Variants in RAD54L observed in about 807,000 individuals in gnomAD.
RAD54L encodes the protein DNA repair and recombination protein RAD54-like.
In RAD54L, 74 loss-of-function variants were observed where a neutral mutation model predicts 91.6. The ratio of observed to expected loss-of-function variants is 0.81; its 90% CI spans 0.67 to 0.98. RAD54L has a LOEUF of 0.98. RAD54L is among the 50% of genes least tolerant of loss of function. The pLI, the probability that RAD54L is intolerant of heterozygous loss-of-function variation, is 0.00. For missense variants in RAD54L, 887 were observed against 945.7 expected (o/e 0.94, Z 0.81); for synonymous variants, 304 against 349.7 (o/e 0.87, Z 1.46).
At position 46,265,673 on chromosome 1, in the gene RAD54L, G is replaced by A. The variant is rs191644692; in HGVS notation, c.892-1786G>A. ...TCCTATACACTGAAATTATACAGGCGAATCTGACATAGTCTCTGCCTTAAG... is the reference window on the plus strand; with the variant it reads ...TCCTATACACTGAAATTATACAGGCAAATCTGACATAGTCTCTGCCTTAAG... On this transcript the variant is annotated intron_variant, in intron 8 of 17. Coordinates refer to ENST00000371975, the MANE Select transcript of RAD54L (RefSeq NM_003579.4). The surrounding 1 kb of genome is among the most constrained non-coding windows in gnomAD (Gnocchi z 4.8). 2.5e-4 allele frequency among the ~76,000 whole-genome samples: 38 copies of A among 152,260 alleles called. No individual in the cohort carries two copies. Among genetic ancestry groups the A allele is most frequent in the African/African-American group, 8.4e-4 (35 of 41,552 alleles).
chr1:46,259,174 CTCTT>C (rs780677556), intron 4 of RAD54L, among the ~76,000 whole-genome samples: 23 of 151,718 alleles, frequency 1.5e-4, no homozygotes, highest in Middle Eastern at 3.4e-3. Context: ...TTCTCTCTCT[CTCTT>C]TTTTTTTTTT....
intron 4 of RAD54L, 104 bp downstream of exon 4, chr1:46,258,850 G>A (rs765544253): frequency 3.6e-5 from 35 of 971,054 alleles, no homozygotes; most frequent in Non-Finnish European, 5.2e-5. Context: ...GGAATTGAAG[G>A]TGCCAGTCCA....
intron 13 of RAD54L, 71 bp downstream of exon 13, chr1:46,273,536 T>G: frequency 6.2e-7 from 1 of 1,611,462 alleles, no homozygotes; most frequent in South Asian, 1.1e-5. Context: ...GTGCTAGGGC[T>G]GTCCTGTTTC....
Position 46,265,512 on chromosome 1 carries a change from G to A in RAD54L, c.892-1947G>A, listed in dbSNP as rs1261155927. On this transcript the variant is annotated intron_variant, in intron 8 of 17. Transcript: ENST00000371975. This position sits in a 1 kb window ranked among gnomAD's most constrained non-coding sequence, Gnocchi z 4.8. The stretch of plus-strand genomic sequence containing the variant: ...TGGACGCAAACTCCTGACCTCAGGT[G>A]ATCCACTTGCCTTAACCTCCCAAAG... Among the ~76,000 whole-genome samples, 1 of 152,152 alleles carries A rather than the reference G, an allele frequency of 6.6e-6. No homozygotes were observed. Among genetic ancestry groups the A allele is most frequent in the Non-Finnish European group, 1.5e-5 (1 of 68,020 alleles).
At chr1:46,277,596 G>C (rs1223976520) in intron 16 of RAD54L, 2 of 597,628 alleles carry the variant, frequency 3.3e-6, no homozygotes, top group South Asian at 2.0e-5. Flanking sequence ...CATTAGTATA[G>C]AAAGTAGCCT....
chr1:46,272,400 C>T (rs1448685407), intron 10 of RAD54L, 66 bp from the exon 11 acceptor site: 2 of 1,376,030 alleles, frequency 1.5e-6, no homozygotes, highest in Non-Finnish European at 2.1e-6. Context: ...TGGGTGGTAG[C>T]TTTTATTCCA....
chr1:46,262,351 G>A (rs934455169), intron 8 of RAD54L, among the ~76,000 whole-genome samples: 6 of 152,038 alleles, frequency 3.9e-5, no homozygotes, highest in Non-Finnish European at 8.8e-5. Flanking sequence ...AGGTTGCAAT[G>A]AGCCTAGATA....
At chr1:46,250,483 C>T (rs1032171468) in intron 3 of RAD54L, among the ~76,000 whole-genome samples, 2 of 152,162 alleles carry the variant, frequency 1.3e-5, no homozygotes, top group South Asian at 4.1e-4. Flanking sequence ...ATGGCAGGTT[C>T]TGTGCATTGC....
intron 3 of RAD54L, among the ~76,000 whole-genome samples, chr1:46,252,813 G>A (rs1302942641): frequency 1.3e-5 from 2 of 152,194 alleles, no homozygotes; most frequent in African/African-American, 2.4e-5. Context: ...GCTCACACCT[G>A]TAATCCCAGC....
chr1:46,269,169 G>A (rs1044999103), intron 9 of RAD54L, among the ~76,000 whole-genome samples: 2 of 152,056 alleles, frequency 1.3e-5, no homozygotes, highest in African/African-American at 4.8e-5. Flanking sequence ...TAAATCAAAT[G>A]TTCATATATG....
chr1:46,249,864 T>C, intron 2 of RAD54L, 136 bp from the exon 3 acceptor site: 1 of 919,174 alleles, frequency 1.1e-6, no homozygotes, highest in Non-Finnish European at 1.7e-6. Flanking sequence ...AGAGTTGCTA[T>C]GAAGATGATA....
In RAD54L at chr1:46,257,627, C is replaced by A. The variant is rs530507052; in HGVS notation, c.211-1059C>A. On this transcript the variant is annotated intron_variant, in intron 3 of 17. Coordinates refer to ENST00000371975, the MANE Select transcript of RAD54L (RefSeq NM_003579.4). ...AGTCACCAGTGCTACCTCTCTAGGA[C>A]CCACATATGTCTACCTGCTGTCACC... Among the ~76,000 whole-genome samples the A allele has an allele frequency of 4.6e-5, 7 of 152,324 alleles. No individual in the cohort carries two copies. In the South Asian group the frequency reaches 1.4e-3, roughly 32 times the overall value.
At position 46,263,717 on chromosome 1, in the gene RAD54L, C is replaced by A. The variant is rs545138217; in HGVS notation, c.891+2332C>A. Among the ~76,000 whole-genome samples, 1 of 152,210 alleles carries A rather than the reference C, an allele frequency of 6.6e-6. No homozygotes were observed. Among genetic ancestry groups the A allele is most frequent in the African/African-American group, 2.4e-5 (1 of 41,524 alleles). On this transcript the variant is annotated intron_variant, in intron 8 of 17. Transcript: ENST00000371975. The surrounding 1 kb of genome is among the most constrained non-coding windows in gnomAD (Gnocchi z 4.3). ...TGTGGAGGGGGACTATGCCAGGAGC[C>A]AGGTCCAAAGCATTGTGGGAGAGGA...
intron 16 of RAD54L, among the ~76,000 whole-genome samples, chr1:46,275,613 A>G (rs1420580689): frequency 6.6e-6 from 1 of 152,090 alleles, no homozygotes; most frequent in Non-Finnish European, 1.5e-5. Context: ...CCACAAATTC[A>G]TGTTCTCTTT....
At position 46,278,332 on chromosome 1, in the gene RAD54L, G is replaced by A; in HGVS notation, c.*50G>A. Reference sequence around the variant, plus strand: ...CTTAGAGGAAGGAGATAGGGAAAAGGGGCTCCTTGCTCCACAGGGCCCTGT... The same window carrying A: ...CTTAGAGGAAGGAGATAGGGAAAAGAGGCTCCTTGCTCCACAGGGCCCTGT... On this transcript the variant is annotated 3_prime_UTR_variant, in exon 18 of 18. Coordinates refer to ENST00000371975, the MANE Select transcript of RAD54L (RefSeq NM_003579.4). 4 of 1,537,468 alleles carry A rather than the reference G, an allele frequency of 2.6e-6. No individual in the cohort carries two copies. The highest frequency in any genetic ancestry group is 3.5e-6 in the Non-Finnish European group (4 of 1,129,958).
chr1:46,276,635 T>C (rs1027156107), intron 16 of RAD54L, among the ~76,000 whole-genome samples: 14 of 152,248 alleles, frequency 9.2e-5, no homozygotes, highest in African/African-American at 3.4e-4. Flanking sequence ...CCTGAGGTCA[T>C]GGTCATCTGT....
chr1:46,261,322 G>A lies in RAD54L; in HGVS notation c.828G>A (p.Glu276=), dbSNP rs60332591. Residue 276 remains glutamate, a synonymous_variant, in exon 8 of 18, where the codon GAG becomes GAA. Coordinates refer to ENST00000371975, the MANE Select transcript of RAD54L (RefSeq NM_003579.4). ...VSSPILIISY[E]TFRLHVGVLQ... is the part of the protein sequence containing the mutation. ...CTCCCATCCTCATCATTTCCTATGA[G>A]ACCTTCCGCCTTCATGTTGGAGTCC... is the stretch of plus-strand genomic sequence containing the variant. 1 of 1,613,408 alleles carries A rather than the reference G, an allele frequency of 6.2e-7. No individual in the cohort carries two copies. The highest frequency in any genetic ancestry group is 1.7e-5 in the Admixed American group (1 of 59,912).
intron 3 of RAD54L, among the ~76,000 whole-genome samples, chr1:46,250,671 A>C (rs1393078698): frequency 6.6e-6 from 1 of 152,182 alleles, no homozygotes; most frequent in African/African-American, 2.4e-5. Context: ...TGCATTCAGC[A>C]AACATTTAAA....
intron 4 of RAD54L, 114 bp from the exon 5 acceptor site, chr1:46,259,850 A>G (rs1660047819): frequency 7.2e-7 from 1 of 1,382,236 alleles, no homozygotes. Context: ...ATTCTCAGAG[A>G]GAGAGGGTCA....
Sources: gnomAD v4.1 joint callset for allele counts (sites outside exome capture counted in the v4.1 genomes callset) on GRCh38, gnomAD v4.1.1 for gene constraint, Gnocchi (gnomAD v3.1) non-coding constraint, MANE v1.5 for transcripts, NCBI Gene and HGNC (gene_info 2026-07-23, HGNC 2026-07-21) for gene names.